AOPEP: variants seen among roughly 807,000 people sequenced by gnomAD.
The protein encoded by AOPEP is aminopeptidase O.
AOPEP carries 77 observed loss-of-function variants against 98.1 expected under a neutral mutation model. The ratio of observed to expected loss-of-function variants is 0.78; its 90% confidence interval spans 0.65 to 0.95. The LOEUF (loss-of-function observed/expected upper bound fraction) is 0.95, where lower values mean the gene tolerates loss of function less well. Among genes scored for constraint, AOPEP ranks in the 40% least tolerant of loss-of-function variants. AOPEP has a pLI of 0.00. For missense variants in AOPEP, 1,024 were observed against 1,024.7 expected (o/e 1.00, Z 0.01); for synonymous variants, 346 against 365.3 (o/e 0.95, Z 0.60).
intron 7 of AOPEP, among the ~76,000 whole-genome samples, chr9:94,946,418 C>T (rs148376305): frequency 6.6e-6 from 1 of 152,238 alleles, no homozygotes; most frequent in East Asian, 1.9e-4. Flanking sequence ...CTGAGCAGTT[C>T]CAGGATCCAG....
chr9:94,743,762 G>T (rs1833802518), intron 1 of AOPEP, among the ~76,000 whole-genome samples: 1 of 152,156 alleles, frequency 6.6e-6, no homozygotes, highest in African/African-American at 2.4e-5. Context: ...TTGAACCCAG[G>T]TAACTACCCA....
chr9:94,828,547 G>A (rs553747321), intron 5 of AOPEP, among the ~76,000 whole-genome samples: 4 of 152,286 alleles, frequency 2.6e-5, no homozygotes, highest in African/African-American at 9.6e-5. Context: ...ACAGTCATCA[G>A]TGTCATAGTG....
chr9:94,928,843 G>A (rs2054808992), intron 7 of AOPEP: 1 of 266,014 alleles, frequency 3.8e-6, no homozygotes. Flanking sequence ...TTGGGGTTTG[G>A]CAGCCTGGCA....
rs568314654 is a variant in AOPEP, at chr9:94,793,896, A to G, written c.1118+978A>G. Among the ~76,000 whole-genome samples the G allele has an allele frequency of 1.4e-4, 21 of 152,334 alleles. No individual in the cohort carries two copies. In the South Asian group the frequency reaches 3.9e-3, roughly 29 times the overall value. On this transcript the variant is annotated intron_variant, in intron 4 of 16. Coordinates refer to ENST00000375315, the MANE Select transcript of AOPEP (RefSeq NM_001193329.3). ...TTTGGTTTTCAGTGCTTATGTGGTCAAAAACATAGCTTCTGATGGATTACT... is the reference window on the plus strand; with the variant it reads ...TTTGGTTTTCAGTGCTTATGTGGTCGAAAACATAGCTTCTGATGGATTACT...
chr9:95,017,752 G>C (rs1299708196), intron 13 of AOPEP, among the ~76,000 whole-genome samples: 1 of 152,210 alleles, frequency 6.6e-6, no homozygotes, highest in Non-Finnish European at 1.5e-5. Context: ...TCCAGTTTTA[G>C]AACATTTCCA....
intron 5 of AOPEP, among the ~76,000 whole-genome samples, chr9:94,807,701 T>C (rs1489467684): frequency 6.6e-6 from 1 of 152,256 alleles, no homozygotes. Context: ...TAACTTGGGA[T>C]ATTCCCAATC....
intron 5 of AOPEP, among the ~76,000 whole-genome samples, chr9:94,816,989 T>G (rs1206665314): frequency 1.3e-5 from 2 of 152,182 alleles, no homozygotes; most frequent in African/African-American, 2.4e-5. Flanking sequence ...TCTCTTACCA[T>G]TGTACTGCAT....
chr9:95,024,283 G>A (rs974196554), intron 13 of AOPEP, among the ~76,000 whole-genome samples: 16 of 152,288 alleles, frequency 1.1e-4, no homozygotes, highest in African/African-American at 3.9e-4. Flanking sequence ...TGAGAAAAAT[G>A]CCACCAGTTG....
intron 5 of AOPEP, among the ~76,000 whole-genome samples, chr9:94,844,607 T>G (rs1451996672): frequency 6.6e-6 from 1 of 152,240 alleles, no homozygotes; most frequent in Admixed American, 6.5e-5. Flanking sequence ...CCAGTCTAAC[T>G]GTAACTGTGT....
At position 94,980,331 on chromosome 9, in the gene AOPEP, G is replaced by C. The variant is rs910882578; in HGVS notation, c.1977+904G>C. Among the ~76,000 whole-genome samples, 1 of 152,254 alleles carries C rather than the reference G, an allele frequency of 6.6e-6. No individual in the cohort carries two copies. The highest frequency in any genetic ancestry group is 2.4e-5 in the African/African-American group (1 of 41,476). On this transcript the variant is annotated intron_variant, in intron 11 of 16. Coordinates refer to ENST00000375315, the MANE Select transcript of AOPEP (RefSeq NM_001193329.3). The surrounding 1 kb of genome is among the most constrained non-coding windows in gnomAD (Gnocchi z 4.3). ...CCCAGAGCGGCTGCAGGCTGGGCCT[G>C]ACCCAGGGTCATGGGCCTTGGCATC...
chr9:95,034,638 G>C (rs2064618866), intron 13 of AOPEP, among the ~76,000 whole-genome samples: 1 of 152,244 alleles, frequency 6.6e-6, no homozygotes, highest in South Asian at 2.1e-4. Flanking sequence ...TGGCTCATCA[G>C]TTTTTATATG....
intron 7 of AOPEP, among the ~76,000 whole-genome samples, chr9:94,938,688 G>C (rs2056632970): frequency 6.6e-6 from 1 of 152,228 alleles, no homozygotes; most frequent in African/African-American, 2.4e-5. Context: ...GCTAAGTCAT[G>C]GAGCTCCTCG....
At chr9:95,008,701 G>A (rs1564516488) in intron 13 of AOPEP, among the ~76,000 whole-genome samples, 1 of 152,096 alleles carries the variant, frequency 6.6e-6, no homozygotes, top group Non-Finnish European at 1.5e-5. Flanking sequence ...GCCTTTCCCC[G>A]CCTTCTGCTT....
chr9:94,833,127 G>A (rs550505027), intron 5 of AOPEP, among the ~76,000 whole-genome samples: 3 of 151,134 alleles, frequency 2.0e-5, no homozygotes, highest in Non-Finnish European at 4.4e-5. Flanking sequence ...GTAGAGATGG[G>A]GTTTCACCAT....
chr9:94,839,113 T>C (rs2041983098), intron 5 of AOPEP, among the ~76,000 whole-genome samples: 1 of 130,250 alleles, frequency 7.7e-6, no homozygotes, highest in Non-Finnish European at 1.6e-5. Context: ...TGAGAGGGAG[T>C]CTCACTCTGT....
intron 7 of AOPEP, among the ~76,000 whole-genome samples, chr9:94,946,406 A>G (rs1260517468): frequency 1.3e-5 from 2 of 152,160 alleles, no homozygotes; most frequent in African/African-American, 2.4e-5. Flanking sequence ...CTCAGCTTCT[A>G]CCTGAGCAGT....
At chr9:94,800,248 T>C (rs1564157788) in intron 4 of AOPEP, among the ~76,000 whole-genome samples, 1 of 152,246 alleles carries the variant, frequency 6.6e-6, no homozygotes, top group Non-Finnish European at 1.5e-5. Flanking sequence ...TTCGAGGAGT[T>C]TGAGCCTGTA....
chr9:95,145,735 T>C, the AOPEP span, among the ~76,000 whole-genome samples: 2 of 151,978 alleles, frequency 1.3e-5, no homozygotes, highest in African/African-American at 2.4e-5. Flanking sequence ...GGCCTGACTA[T>C]GTGAGAACTG....
intron 3 of AOPEP, 41 bp downstream of exon 3, chr9:94,773,209 C>T: frequency 6.5e-7 from 1 of 1,535,368 alleles, no homozygotes; most frequent in Non-Finnish European, 8.9e-7. Flanking sequence ...GTATTGCACA[C>T]ATGTGGACCC....
Sources: gnomAD v4.1 joint callset for allele counts (sites outside exome capture counted in the v4.1 genomes callset) on GRCh38, gnomAD v4.1.1 for gene constraint, Gnocchi (gnomAD v3.1) non-coding constraint, MANE v1.5 for transcripts, NCBI Gene and HGNC (gene_info 2026-07-23, HGNC 2026-07-21) for gene names.